The following KLK15 variants were observed in gnomAD, a reference collection of about 807,000 sequenced individuals.
KLK15 encodes kallikrein-15.
A neutral mutation model predicts 21.1 loss-of-function variants in KLK15; 19 were observed. The observed-to-expected ratio is 0.90, with a 90% CI of 0.63 to 1.32. The LOEUF is 1.32. Among genes scored for constraint, KLK15 ranks in the 40% most tolerant of loss-of-function variants. The pLI, the probability that KLK15 is intolerant of heterozygous loss-of-function variation, is 0.00. For missense variants in KLK15, 345 were observed against 348.6 expected (o/e 0.99, Z 0.08); for synonymous variants, 141 against 141.5 (o/e 1.00, Z 0.03).
At position 50,825,802 on chromosome 19, in the gene KLK15, C is replaced by T. The variant is rs576041540; in HGVS notation, c.765G>A (p.Arg255=). 29 of 1,613,542 alleles carry T rather than the reference C, an allele frequency of 1.8e-5. No individual in the cohort carries two copies. In the East Asian group the frequency reaches 6.5e-4, roughly 36 times the overall value. The change falls in exon 5 of 5, where the codon AGG becomes AGA. Residue 255 remains arginine, a synonymous_variant. Transcript: ENST00000598239. ...AGGAGATAGGCTAGAATAGTCAGTT[C>T]CTCTTCATGGTTTCCCTGATCCACT...
intron 2 of KLK15, 34 bp downstream of exon 3, chr19:50,827,628 G>A (rs201000403): frequency 2.5e-6 from 4 of 1,597,622 alleles, no homozygotes; most frequent in Non-Finnish European, 3.4e-6. Flanking sequence ...CCCGAACCAG[G>A]CTCCCTCAGG....
chr19:50,826,489 C>T (rs975091198), intron 4 of KLK15, 132 bp downstream of exon 5: 3 of 1,137,888 alleles, frequency 2.6e-6, no homozygotes, highest in South Asian at 1.6e-5. Flanking sequence ...TCTAACTTCT[C>T]TTCCTACTCC....
exon 5 of KLK15, chr19:50,825,876 C>A (rs1372460664): frequency 1.2e-6 from 2 of 1,613,942 alleles, no homozygotes; most frequent in African/African-American, 2.7e-5. Flanking sequence ...GTGGTGTTGT[C>A]ACAAGGGACG....
exon 4 of KLK15, chr19:50,826,648 C>A (rs772908868): frequency 6.2e-7 from 1 of 1,608,166 alleles, no homozygotes; most frequent in Non-Finnish European, 8.5e-7. Context: ...CTCTGCCCTC[C>A]GCGCCTGCAC....
intron 4 of KLK15, 97 bp from the exon 6 acceptor site, chr19:50,826,045 C>A: frequency 7.8e-7 from 1 of 1,280,830 alleles, no homozygotes; most frequent in Non-Finnish European, 1.1e-6. Context: ...CCCAATCCAT[C>A]CCCATCCCAG....
At chr19:50,826,985 G>A in exon 3 of KLK15, 5 of 1,606,304 alleles carry the variant, frequency 3.1e-6, no homozygotes, top group Non-Finnish European at 3.4e-6. Flanking sequence ...GGGTAGCACC[G>A]CGGGGCGCAC....
At chr19:50,832,322 C>CTTTTT (rs773163899), upstream of KLK15, among the ~76,000 whole-genome samples, 47 of 109,422 alleles carry the variant, frequency 4.3e-4, no homozygotes, top group East Asian at 1.4e-3. Flanking sequence ...CTTTTTTTTT[C>CTTTTT]TTTTTTTTTT....
chr19:50,826,471 A>T, intron 4 of KLK15, 150 bp downstream of exon 5: 1 of 891,296 alleles, frequency 1.1e-6, no homozygotes, highest in Non-Finnish European at 1.6e-6. Flanking sequence ...CTCCAACCTC[A>T]CCCCTATTCT....
chr19:50,832,317 T>G (rs1049513292), upstream of KLK15, among the ~76,000 whole-genome samples: 2 of 99,294 alleles, frequency 2.0e-5, no homozygotes, highest in African/African-American at 6.7e-5. Context: ...TCTTTCTTTT[T>G]TTTTCTTTTT....
At chr19:50,832,564 C>G (rs2090010258), upstream of KLK15, among the ~76,000 whole-genome samples, 3 of 140,472 alleles carry the variant, frequency 2.1e-5, no homozygotes. Flanking sequence ...CTCTAGTGAT[C>G]CACCCGCCTC....
At chr19:50,825,927 C>G in exon 5 of KLK15, 3 of 1,613,424 alleles carry the variant, frequency 1.9e-6, no homozygotes, top group Non-Finnish European at 2.5e-6. Context: ...CCCCCACAGA[C>G]CAGGGGTCCC....
intron 1 of KLK15, among the ~76,000 whole-genome samples, chr19:50,830,897 C>T (rs1284810175): frequency 6.6e-6 from 1 of 152,142 alleles, no homozygotes; most frequent in Admixed American, 6.5e-5. Flanking sequence ...CCTGAAGGGG[C>T]ACTACCTGGG....
exon 3 of KLK15, chr19:50,827,145 G>A: frequency 6.3e-7 from 1 of 1,591,842 alleles, no homozygotes; most frequent in Non-Finnish European, 8.5e-7. Context: ...TGCTCTCCCA[G>A]GCGCACTCTC....
chr19:50,827,315 A>G (rs531254224), intron 2 of KLK15, among the ~76,000 whole-genome samples, 154 bp from the exon 4 acceptor site: 7 of 144,660 alleles, frequency 4.8e-5, no homozygotes, highest in South Asian at 2.1e-4. Flanking sequence ...CCTGAAGCCA[A>G]TGGTTCCAGC....
upstream of KLK15, among the ~76,000 whole-genome samples, chr19:50,832,326 T>C (rs139321321): frequency 1.8e-3 from 110 of 61,172 alleles, 1 homozygote; most frequent in Admixed American, 1.8e-3. Context: ...TTTTTTCTTT[T>C]TTTTTTTTTT....
At chr19:50,831,596 C>T (rs2089986688), upstream of KLK15, 9 of 862,628 alleles carry the variant, frequency 1.0e-5, no homozygotes, top group East Asian at 3.0e-4. Context: ...CAGACACAGA[C>T]TTATCCCATC....
In KLK15 at chr19:50,826,153, A is replaced by G. The variant is rs1427929309; in HGVS notation, c.619-205T>C. ...CCCCAATTCAACACAGCTCAATACAACTCACCCAACCTATATCCAATCTCA... is the reference window on the plus strand; with the variant it reads ...CCCCAATTCAACACAGCTCAATACAGCTCACCCAACCTATATCCAATCTCA... On this transcript the variant is annotated intron_variant, in intron 4 of 4. Transcript: ENST00000598239. The G allele has an allele frequency of 2.2e-5, 12 of 549,618 alleles. No individual in the cohort carries two copies. In the African/African-American group the frequency reaches 2.3e-4, roughly 10 times the overall value. 34.0% of individuals were successfully genotyped at this position (549,618 alleles called of 1,614,324 possible).
chr19:50,825,685 C>T (rs1223115926), downstream of KLK15: 1 of 1,129,952 alleles, frequency 8.8e-7, no homozygotes, highest in African/African-American at 1.6e-5. Context: ...ACATCTGGGC[C>T]TTGGACAGGG....
downstream of KLK15, chr19:50,825,398 C>A: frequency 6.2e-6 from 1 of 160,300 alleles, no homozygotes; most frequent in Non-Finnish European, 1.4e-5. Flanking sequence ...ATAAGGAAAC[C>A]AAGGCGAAGT....
Sources: allele counts gnomAD v4.1 joint callset (sites outside exome capture counted in the v4.1 genomes callset), GRCh38; gene constraint gnomAD v4.1.1; transcripts MANE v1.5; gene names NCBI Gene and HGNC (gene_info 2026-07-23, HGNC 2026-07-21).